OPCML: variants seen among roughly 807,000 people sequenced by gnomAD.
The protein encoded by OPCML is opioid binding protein/cell adhesion molecule like.
Under a neutral mutation model 37.8 loss-of-function variants are expected in OPCML, and 13 were observed. That is an observed-to-expected ratio of 0.34 (90% CI 0.22 to 0.55). The LOEUF (loss-of-function observed/expected upper bound fraction) is 0.55. Among genes scored for constraint, OPCML ranks in the 20% least tolerant of loss-of-function variants. The probability of loss-of-function intolerance (pLI) is 0.91; values close to 1 mark genes in which losing one functional copy is unlikely to be tolerated. For synonymous variants in OPCML, 176 were observed against 168.8 expected (o/e 1.04, Z -0.33); for missense variants, 341 against 435.6 (o/e 0.78, Z 1.93).
rs747975632 is a variant in OPCML, at chr11:132,675,179, GTGTATA to G, written c.147-17866_147-17861del. Among the ~76,000 whole-genome samples the G allele has an allele frequency of 2.0e-3, 212 of 103,526 alleles. 1 individual carries two copies. Among genetic ancestry groups the G allele is most frequent in the African/African-American group, 7.1e-3 (190 of 26,796 alleles). 67.9% of individuals were successfully genotyped at this position (103,526 alleles called of 152,430 possible). A position where few individuals can be genotyped will look rare whatever the true frequency, so the allele number is the denominator to read the frequency against. On this transcript the variant is annotated intron_variant, in intron 2 of 7. Transcript: ENST00000524381. ...TATGTGTGTGTGTGTGTGTGTGTGT[GTGTATA>G]TATATATATATATAACTTTACATAT...
At chr11:133,455,708 AG>A (rs1262839330) in intron 1 of OPCML, among the ~76,000 whole-genome samples, 1 of 152,202 alleles carries the variant, frequency 6.6e-6, no homozygotes, top group African/African-American at 2.4e-5. Flanking sequence ...CAGGCTAGGA[AG>A]GTCTACACCC....
intron 1 of OPCML, among the ~76,000 whole-genome samples, chr11:133,127,280 T>C (rs866286129): frequency 2.0e-5 from 3 of 152,144 alleles, no homozygotes; most frequent in Middle Eastern, 3.2e-3. Flanking sequence ...CAAATGATGA[T>C]AATTATAGGT....
intron 1 of OPCML, among the ~76,000 whole-genome samples, chr11:133,487,883 T>C (rs2120410234): frequency 6.7e-6 from 1 of 148,780 alleles, no homozygotes; most frequent in Middle Eastern, 3.4e-3. Context: ...AGTCATTCTG[T>C]AGCAAACTGA....
rs1420790601 is a variant in OPCML, at chr11:133,173,165, G to A, written c.62-230155C>T. On this transcript the variant is annotated intron_variant, in intron 1 of 7. Coordinates refer to ENST00000524381, the MANE Select transcript of OPCML (RefSeq NM_001012393.5). The surrounding 1 kb of genome is among the most constrained non-coding windows in gnomAD (Gnocchi z 7.8). The stretch of plus-strand genomic sequence containing the variant: ...CCCATGCTTTAAAAAAATTACATGT[G>A]AGGGAATATTTCATATGAATTCCTA... 5.3e-5 allele frequency among the ~76,000 whole-genome samples: 8 copies of A among 152,178 alleles called. No homozygotes were observed. Among genetic ancestry groups the A allele is most frequent in the Non-Finnish European group, 1.0e-4 (7 of 68,040 alleles).
At chr11:132,645,007 C>T (rs972007784) in intron 3 of OPCML, among the ~76,000 whole-genome samples, 3 of 152,180 alleles carry the variant, frequency 2.0e-5, no homozygotes, top group Non-Finnish European at 4.4e-5. Flanking sequence ...GCTTACTGGC[C>T]AATCGGAGCA....
chr11:132,710,525 A>T (rs1423008223), intron 2 of OPCML, among the ~76,000 whole-genome samples: 1 of 152,208 alleles, frequency 6.6e-6, no homozygotes, highest in Non-Finnish European at 1.5e-5. Flanking sequence ...ATTGCCTATT[A>T]GTTGTCAAAT....
chr11:132,722,243 C>A (rs1944700030), intron 2 of OPCML, among the ~76,000 whole-genome samples: 1 of 142,666 alleles, frequency 7.0e-6, no homozygotes, highest in Non-Finnish European at 1.5e-5. Context: ...GCGTGAACCA[C>A]CACGTCCGGC....
At position 133,008,829 on chromosome 11, in the gene OPCML, C is replaced by G. The variant is rs191204567; in HGVS notation, c.62-65819G>C. 401 of 931,862 alleles carry G rather than the reference C, an allele frequency of 4.3e-4. 1 individual carries two copies. Among genetic ancestry groups the G allele is most frequent in the Admixed American group, 1.9e-3 (31 of 16,228 alleles). The allele number at this position is 931,862 out of a possible 1,614,324, so 57.7% of individuals were successfully genotyped here. On this transcript the variant is annotated intron_variant, in intron 1 of 7. Transcript: ENST00000524381. Reference sequence around the variant, plus strand: ...CTGACAGTACTCCCTAATGCACTTTCTGAACAAAAGTCTCCATCTGAGAGT... The same window carrying G: ...CTGACAGTACTCCCTAATGCACTTTGTGAACAAAAGTCTCCATCTGAGAGT...
intron 2 of OPCML, among the ~76,000 whole-genome samples, chr11:132,822,946 A>G (rs1397369788): frequency 6.6e-6 from 1 of 152,222 alleles, no homozygotes; most frequent in African/African-American, 2.4e-5. Context: ...CACCTCATGT[A>G]TTTGTAAGGA....
At chr11:132,462,465 T>C (rs2096105795) in intron 4 of OPCML, among the ~76,000 whole-genome samples, 1 of 152,164 alleles carries the variant, frequency 6.6e-6, no homozygotes, top group Non-Finnish European at 1.5e-5. Flanking sequence ...AAGCTGGGTG[T>C]CCAGCAACAT....
chr11:133,156,200 A>T (rs1486977605), intron 1 of OPCML, among the ~76,000 whole-genome samples: 1 of 152,118 alleles, frequency 6.6e-6, no homozygotes, highest in East Asian at 1.9e-4. Context: ...TACGATCCTT[A>T]TCTAATCCCC....
At chr11:132,535,709 T>G (rs2096338847) in intron 3 of OPCML, among the ~76,000 whole-genome samples, 1 of 152,132 alleles carries the variant, frequency 6.6e-6, no homozygotes, top group South Asian at 2.1e-4. Context: ...AGCACTGGCC[T>G]TGGGGTCACA....
chr11:133,393,598 GC>G lies in OPCML; in HGVS notation c.61+138665del, dbSNP rs542907677. Among the ~76,000 whole-genome samples, 18 of 152,288 alleles carry G rather than the reference GC, an allele frequency of 1.2e-4. No homozygotes were observed. In the East Asian group the frequency reaches 3.3e-3, roughly 28 times the overall value. On this transcript the variant is annotated intron_variant, in intron 1 of 7. Transcript: ENST00000524381. ...TAACTGTCCAGAGATAAAGTGTGTAGCATGGCACTTGGCACCCAGTGGGTGA... is the reference window on the plus strand; with the variant it reads ...TAACTGTCCAGAGATAAAGTGTGTAGATGGCACTTGGCACCCAGTGGGTGA...
At chr11:132,834,368 C>G (rs1022934841) in intron 2 of OPCML, among the ~76,000 whole-genome samples, 2 of 152,206 alleles carry the variant, frequency 1.3e-5, no homozygotes, top group African/African-American at 2.4e-5. Flanking sequence ...CATCTGAATA[C>G]TAGGCGTAAG....
rs181801852 is a variant in OPCML at position 133,264,314 on chromosome 11, C to T, written c.61+267950G>A. ...GCAAATTATTACATGCAGGACAGGA[C>T]GCTGTGGTTTCAGGAACAAGAGCAT... On this transcript the variant is annotated intron_variant, in intron 1 of 7. Coordinates refer to ENST00000524381, the MANE Select transcript of OPCML (RefSeq NM_001012393.5). Among the ~76,000 whole-genome samples the T allele has an allele frequency of 4.7e-3, 710 of 152,304 alleles. 3 individuals carry two copies. Among genetic ancestry groups the T allele is most frequent in the Non-Finnish European group, 8.1e-3 (550 of 68,018 alleles).
At chr11:133,204,880 A>ATATATGTGTGTG (rs1555114193) in intron 1 of OPCML, among the ~76,000 whole-genome samples, 20 of 26,324 alleles carry the variant, frequency 7.6e-4, no homozygotes, top group African/African-American at 3.4e-3. Flanking sequence ...ATATATATAT[A>ATATATGTGTGTG]TATATATATA....
At chr11:133,120,303 A>G (rs921333611) in intron 1 of OPCML, among the ~76,000 whole-genome samples, 4 of 152,202 alleles carry the variant, frequency 2.6e-5, no homozygotes, top group Admixed American at 2.0e-4. Context: ...TATCATTTCC[A>G]TTTCAAAGAC....
chr11:133,422,893 C>T, intron 1 of OPCML: 1 of 970,566 alleles, frequency 1.0e-6, no homozygotes, highest in Non-Finnish European at 1.2e-6. Flanking sequence ...GATGAAGAAT[C>T]TCATTTGACA....
At chr11:132,741,362 C>T (rs1041246913) in intron 2 of OPCML, among the ~76,000 whole-genome samples, 3 of 152,130 alleles carry the variant, frequency 2.0e-5, no homozygotes, top group African/African-American at 4.8e-5. Flanking sequence ...AGGTTAAAAA[C>T]CTGAAAACAT....
Sources: gnomAD v4.1 joint callset for allele counts (sites outside exome capture counted in the v4.1 genomes callset) on GRCh38, gnomAD v4.1.1 for gene constraint, Gnocchi (gnomAD v3.1) non-coding constraint, MANE v1.5 for transcripts, NCBI Gene and HGNC (gene_info 2026-07-23, HGNC 2026-07-21) for gene names.